TECR: variants seen among roughly 807,000 people sequenced by gnomAD.
TECR encodes very-long-chain enoyl-CoA reductase.
In TECR, 19 loss-of-function variants were observed where a neutral mutation model predicts 50.6. That is an observed-to-expected ratio of 0.38 (90% CI 0.26 to 0.55). The LOEUF is 0.55. Ranked by LOEUF, TECR falls within the 20% of genes least tolerant of loss-of-function variation. The pLI, the probability that TECR is intolerant of heterozygous loss-of-function variation, is 0.79. For synonymous variants in TECR, 168 were observed against 163.5 expected, an observed-to-expected ratio of 1.03 and a Z score of -0.21; for missense variants, 313 against 408.3, an observed-to-expected ratio of 0.77 and a Z score of 2.01.
At chr19:14,537,746 T>G (rs1191553907) in intron 1 of TECR, among the ~76,000 whole-genome samples, 1 of 64,114 alleles carries the variant, frequency 1.6e-5, no homozygotes, top group Non-Finnish European at 4.3e-5. Flanking sequence ...TTATCAGTGT[T>G]TTTTTTTTTT....
chr19:14,533,518 G>C (rs752390174), intron 1 of TECR, among the ~76,000 whole-genome samples: 1 of 152,166 alleles, frequency 6.6e-6, no homozygotes, highest in Non-Finnish European at 1.5e-5. Context: ...CCCCTGGAGA[G>C]ACCTTGGAGA....
At chr19:14,560,716 CT>C (rs1231084929) in intron 1 of TECR, among the ~76,000 whole-genome samples, 1 of 152,230 alleles carries the variant, frequency 6.6e-6, no homozygotes, top group Non-Finnish European at 1.5e-5. Context: ...CCAGGATTTC[CT>C]GGCTGCTGGG....
intron 1 of TECR, among the ~76,000 whole-genome samples, chr19:14,548,633 G>A (rs562050059): frequency 2.0e-4 from 30 of 152,048 alleles, no homozygotes; most frequent in South Asian, 1.1e-3. Flanking sequence ...GCTGGAGTGC[G>A]GTGGTGCGAT....
chr19:14,548,990 C>T (rs1428647296), intron 1 of TECR, among the ~76,000 whole-genome samples: 1 of 151,176 alleles, frequency 6.6e-6, no homozygotes, highest in Non-Finnish European at 1.5e-5. Flanking sequence ...ATTTAATTTT[C>T]ACATATCATG....
chr19:14,534,355 ACCTTATGATCCG>A, intron 1 of TECR, among the ~76,000 whole-genome samples: 1 of 133,306 alleles, frequency 7.5e-6, no homozygotes, highest in South Asian at 2.4e-4. Context: ...CGATCTCCTG[ACCTTATGATCCG>A]CCCGCCTCGG....
Position 14,563,169 on chromosome 19 carries a change from C to T in TECR, c.67-37C>T, listed in dbSNP as rs748960213. On this transcript the variant is annotated intron_variant, in intron 2 of 12. Transcript: ENST00000215567. The surrounding 1 kb of genome is among the most constrained non-coding windows in gnomAD (Gnocchi z 5.3). ...CTCCCCATCCTGAGTCTGGGCTCCCCGCAGAGCTGACGTCCCTGCGCCTGT... is the reference window on the plus strand; with the variant it reads ...CTCCCCATCCTGAGTCTGGGCTCCCTGCAGAGCTGACGTCCCTGCGCCTGT... 30 of 1,613,840 alleles carry T rather than the reference C, an allele frequency of 1.9e-5. No individual in the cohort carries two copies. The highest frequency in any genetic ancestry group is 1.3e-4 in the East Asian group (6 of 44,862).
At chr19:14,564,496 C>G (rs1327876196) in intron 7 of TECR, among the ~76,000 whole-genome samples, 1 of 96,252 alleles carries the variant, frequency 1.0e-5, no homozygotes, top group Non-Finnish European at 2.4e-5. Flanking sequence ...CGTCGGGCCC[C>G]TAGGCCTGCC....
chr19:14,549,380 CTT>C (rs1442322141), intron 1 of TECR, among the ~76,000 whole-genome samples: 1 of 151,798 alleles, frequency 6.6e-6, no homozygotes, highest in African/African-American at 2.4e-5. Context: ...GCCCAGCTAA[CTT>C]TTGTATTTGT....
chr19:14,532,283 C>T (rs58473066), intron 1 of TECR: 5,316 of 152,090 alleles, frequency 0.035, 215 homozygotes, highest in African/African-American at 0.095. Context: ...TGGTGGCTCA[C>T]GCCTGTAATC....
Position 14,564,146 on chromosome 19 carries a change from G to A in TECR, c.384-36G>A, listed in dbSNP as rs757403791. The A allele has an allele frequency of 5.9e-5, 94 of 1,605,750 alleles. 1 individual carries two copies. The highest frequency in any genetic ancestry group is 5.7e-4 in the South Asian group (52 of 91,074). On this transcript the variant is annotated intron_variant, in intron 6 of 12. Transcript: ENST00000215567. ...GGTAGGGGAAGGCAGAAGACCTGCC[G>A]GACCAGCCCCAGCTGAGCCTGCTCC... is the stretch of plus-strand genomic sequence containing the variant.
chr19:14,537,336 T>C (rs2072939364), intron 1 of TECR, among the ~76,000 whole-genome samples: 1 of 149,570 alleles, frequency 6.7e-6, no homozygotes, highest in Non-Finnish European at 1.5e-5. Context: ...ACGGGATGAG[T>C]GGTGGGCTTT....
At chr19:14,551,886 T>A (rs899026529) in intron 1 of TECR, among the ~76,000 whole-genome samples, 5 of 151,486 alleles carry the variant, frequency 3.3e-5, no homozygotes, top group Non-Finnish European at 7.4e-5. Flanking sequence ...CTTCCTCTTT[T>A]TCTTTCCTTT....
intron 1 of TECR, among the ~76,000 whole-genome samples, chr19:14,544,738 T>G (rs2073243908): frequency 6.6e-6 from 1 of 151,618 alleles, no homozygotes; most frequent in African/African-American, 2.4e-5. Context: ...GTTCAAGGGA[T>G]TCTTGTGCCC....
chr19:14,561,301 A>G (rs1241627529), intron 1 of TECR, among the ~76,000 whole-genome samples: 2 of 152,112 alleles, frequency 1.3e-5, no homozygotes, highest in African/African-American at 4.8e-5. Flanking sequence ...TGTGGGTAGG[A>G]AGGGTCCCCC....
At chr19:14,542,372 T>TTTTTTTTTTTTTTTG (rs2073132535) in intron 1 of TECR, among the ~76,000 whole-genome samples, 1 of 119,248 alleles carries the variant, frequency 8.4e-6, no homozygotes, top group Non-Finnish European at 1.8e-5. Flanking sequence ...TTTTTTTTTT[T>TTTTTTTTTTTTTTTG]TTTTCTGAGA....
intron 1 of TECR, among the ~76,000 whole-genome samples, chr19:14,537,172 G>C (rs1231186567): frequency 7.5e-6 from 1 of 133,398 alleles, no homozygotes; most frequent in African/African-American, 2.8e-5. Flanking sequence ...AGGCGGGGCC[G>C]GGGGGGAAGG....
chr19:14,551,821 T>C (rs2073518804), intron 1 of TECR, among the ~76,000 whole-genome samples: 1 of 151,974 alleles, frequency 6.6e-6, no homozygotes, highest in African/African-American at 2.4e-5. Context: ...TTTTGTTTTT[T>C]TGTTTTTGTT....
chr19:14,563,217 C>T lies in TECR; in HGVS notation c.78C>T (p.His26=), dbSNP rs776029034. Reference sequence around the variant, plus strand: ...TGTGCTTCCCCCAGGTGGAGCCCCACGCCACCATTGCGGAGATCAAGAACC... The same window carrying T: ...TGTGCTTCCCCCAGGTGGAGCCCCATGCCACCATTGCGGAGATCAAGAACC... ...KLCFLDKVEP[H]ATIAEIKNLF... Residue 26 remains histidine, a synonymous_variant, in exon 3 of 13, where the codon CAC becomes CAT. Transcript: ENST00000215567. This position sits in a 1 kb window ranked among gnomAD's most constrained non-coding sequence, Gnocchi z 5.3. The T allele has an allele frequency of 1.1e-5, 18 of 1,613,610 alleles. No individual in the cohort carries two copies. Among genetic ancestry groups the T allele is most frequent in the African/African-American group, 6.7e-5 (5 of 74,790 alleles).
intron 1 of TECR, among the ~76,000 whole-genome samples, chr19:14,552,046 A>T (rs1423888128): frequency 1.4e-5 from 2 of 145,686 alleles, no homozygotes; most frequent in African/African-American, 5.1e-5. Flanking sequence ...TGGTGCAGTC[A>T]TAACTCAGCC....
Sources: gnomAD v4.1 joint callset for allele counts (sites outside exome capture counted in the v4.1 genomes callset) on GRCh38, gnomAD v4.1.1 for gene constraint, Gnocchi (gnomAD v3.1) non-coding constraint, MANE v1.5 for transcripts, NCBI Gene and HGNC (gene_info 2026-07-23, HGNC 2026-07-21) for gene names.